LRRTM4: variants seen among roughly 807,000 people sequenced by gnomAD.
LRRTM4 encodes the protein leucine-rich repeat transmembrane neuronal protein 4.
In LRRTM4, 25 loss-of-function variants were observed where a neutral mutation model predicts 47.6. That is an observed-to-expected ratio of 0.53 (90% CI 0.38 to 0.73). LRRTM4 has a LOEUF of 0.73. Among genes scored for constraint, LRRTM4 ranks in the 30% least tolerant of loss-of-function variants. LRRTM4 has a pLI of 0.00. For synonymous variants in LRRTM4, 311 were observed against 269.5 expected (o/e 1.15, Z -1.51); for missense variants, 638 against 713.4 (o/e 0.89, Z 1.20).
intron 3 of LRRTM4, among the ~76,000 whole-genome samples, chr2:77,470,643 G>A (rs1410699999): frequency 1.3e-5 from 2 of 152,056 alleles, no homozygotes; most frequent in Admixed American, 6.6e-5. Flanking sequence ...ACCACAGGGT[G>A]AATTCTGATC....
intron 3 of LRRTM4, among the ~76,000 whole-genome samples, chr2:77,300,475 T>C (rs1317694845): frequency 3.3e-5 from 5 of 152,192 alleles, no homozygotes; most frequent in African/African-American, 1.2e-4. Flanking sequence ...TTAGAGCTAA[T>C]TGCTTTGTAT....
At chr2:76,898,886 C>T (rs982845610) in intron 3 of LRRTM4, among the ~76,000 whole-genome samples, 3 of 151,620 alleles carry the variant, frequency 2.0e-5, no homozygotes, top group South Asian at 2.1e-4. Flanking sequence ...ACGTTGTAGA[C>T]CATTTGTTAA....
chr2:76,935,855 C>T (rs1674928189), intron 3 of LRRTM4, among the ~76,000 whole-genome samples: 1 of 152,264 alleles, frequency 6.6e-6, no homozygotes, highest in Non-Finnish European at 1.5e-5. Context: ...CCTGAATGTG[C>T]TGGCCAGAAC....
intron 3 of LRRTM4, among the ~76,000 whole-genome samples, chr2:76,802,883 C>T (rs949816172): frequency 2.6e-5 from 4 of 152,024 alleles, no homozygotes; most frequent in Admixed American, 6.6e-5. Context: ...AGTGTTGGGG[C>T]TATTGGATAT....
At chr2:76,795,844 T>C (rs1675275640) in intron 3 of LRRTM4, among the ~76,000 whole-genome samples, 1 of 152,044 alleles carries the variant, frequency 6.6e-6, no homozygotes, top group South Asian at 2.1e-4. Flanking sequence ...AGCTCCTGTC[T>C]ACAGCTCCCA....
At chr2:76,996,970 C>G (rs1260575401) in intron 3 of LRRTM4, among the ~76,000 whole-genome samples, 1 of 152,044 alleles carries the variant, frequency 6.6e-6, no homozygotes, top group Non-Finnish European at 1.5e-5. Context: ...AATACCTATG[C>G]TGAGAAAGAA....
chr2:76,807,471 C>CT (rs1553412707), intron 3 of LRRTM4, among the ~76,000 whole-genome samples: 1 of 97,482 alleles, frequency 1.0e-5, no homozygotes, highest in African/African-American at 5.4e-5. Context: ...TATATATATA[C>CT]ATATATATAT....
chr2:76,929,413 A>C (rs1464056945), intron 3 of LRRTM4, among the ~76,000 whole-genome samples: 1 of 152,176 alleles, frequency 6.6e-6, no homozygotes, highest in Non-Finnish European at 1.5e-5. Context: ...CAGAGGTCTT[A>C]TGGCTGACAA....
At chr2:77,299,268 C>T (rs936184123) in intron 3 of LRRTM4, among the ~76,000 whole-genome samples, 2 of 74,598 alleles carry the variant, frequency 2.7e-5, no homozygotes, top group Non-Finnish European at 7.4e-5. Flanking sequence ...TACACACACA[C>T]ACACACACAC....
intron 3 of LRRTM4, among the ~76,000 whole-genome samples, chr2:77,146,750 A>G (rs890511013): frequency 6.6e-6 from 1 of 152,146 alleles, no homozygotes; most frequent in Admixed American, 6.6e-5. Context: ...GGTGATGGTA[A>G]AAAATTCAAA....
intron 3 of LRRTM4, among the ~76,000 whole-genome samples, chr2:77,324,460 AT>A (rs1481814024): frequency 2.0e-5 from 3 of 152,158 alleles, no homozygotes; most frequent in Non-Finnish European, 4.4e-5. Flanking sequence ...GGAAATAAGG[AT>A]CCCCTGAAGA....
intron 3 of LRRTM4, among the ~76,000 whole-genome samples, chr2:76,856,265 A>G (rs1241309184): frequency 6.6e-6 from 1 of 152,162 alleles, no homozygotes; most frequent in African/African-American, 2.4e-5. Context: ...TGACAGAGTG[A>G]GACTTCGTCT....
chr2:76,874,775 C>T (rs956718064), intron 3 of LRRTM4, among the ~76,000 whole-genome samples: 1 of 151,582 alleles, frequency 6.6e-6, no homozygotes, highest in African/African-American at 2.4e-5. Flanking sequence ...GATACTAGAC[C>T]CTGGCTATTT....
chr2:77,148,069 TG>T (rs1192162206), intron 3 of LRRTM4, among the ~76,000 whole-genome samples: 2 of 152,192 alleles, frequency 1.3e-5, no homozygotes, highest in Non-Finnish European at 2.9e-5. Context: ...ATAACAGTGA[TG>T]TTTTTTGGGC....
At chr2:77,297,589 G>A (rs1978920) in intron 3 of LRRTM4, among the ~76,000 whole-genome samples, 16,026 of 152,124 alleles carry the variant, frequency 0.11, 1,692 homozygotes, top group African/African-American at 0.26. Context: ...GATTAATTAA[G>A]TCTGGGTTGG....
At chr2:76,982,565 G>T (rs895669885) in intron 3 of LRRTM4, among the ~76,000 whole-genome samples, 15 of 152,054 alleles carry the variant, frequency 9.9e-5, no homozygotes, top group African/African-American at 3.6e-4. Context: ...GAAGGAGCTT[G>T]TATCTAGAAG....
intron 3 of LRRTM4, among the ~76,000 whole-genome samples, chr2:77,198,821 G>T (rs187347523): frequency 6.6e-6 from 1 of 152,140 alleles, no homozygotes; most frequent in African/African-American, 2.4e-5. Context: ...AACAGAGCCA[G>T]AGCAATCTCT....
chr2:77,307,522 A>G (rs1404604457), intron 3 of LRRTM4, among the ~76,000 whole-genome samples: 2 of 142,064 alleles, frequency 1.4e-5, no homozygotes, highest in Non-Finnish European at 3.0e-5. Context: ...CTACATATAG[A>G]TATATAATAT....
intron 3 of LRRTM4, among the ~76,000 whole-genome samples, chr2:76,877,625 A>C (rs188440747): frequency 6.6e-6 from 1 of 152,296 alleles, no homozygotes; most frequent in East Asian, 1.9e-4. Context: ...ATATATAACA[A>C]GAAAATTGAC....
Sources: gnomAD v4.1 joint callset for allele counts (sites outside exome capture counted in the v4.1 genomes callset) on GRCh38, gnomAD v4.1.1 for gene constraint, MANE v1.5 for transcripts, NCBI Gene and HGNC (gene_info 2026-07-23, HGNC 2026-07-21) for gene names.